The following CMIP variants were observed in gnomAD, a reference collection of about 807,000 sequenced individuals.
CMIP encodes c-Maf inducing protein, also known as C-Maf-inducing protein.
Under a neutral mutation model 97.3 loss-of-function variants are expected in CMIP, and 13 were observed. The ratio of observed to expected loss-of-function variants is 0.13; its 90% CI spans 0.09 to 0.21. The LOEUF (loss-of-function observed/expected upper bound fraction) is 0.21, where lower values mean the gene tolerates loss of function less well. CMIP is among the 10% of genes least tolerant of loss of function. The pLI, the probability that CMIP is intolerant of heterozygous loss-of-function variation, is 1.00. For missense variants in CMIP, 847 were observed against 1,024.9 expected (o/e 0.83, Z 2.37); for synonymous variants, 538 against 436.3 (o/e 1.23, Z -2.91).
At chr16:81,480,867 C>T (rs1452026615) in intron 1 of CMIP, among the ~76,000 whole-genome samples, 6 of 152,154 alleles carry the variant, frequency 3.9e-5, no homozygotes, top group Non-Finnish European at 8.8e-5. Context: ...CCTTGGCCCT[C>T]CTGGTGGGGA....
intron 1 of CMIP, among the ~76,000 whole-genome samples, chr16:81,513,498 T>C (rs907810516): frequency 6.6e-6 from 1 of 152,248 alleles, no homozygotes; most frequent in East Asian, 1.9e-4. Context: ...GAGGCCAGTT[T>C]GCAAATAGAG....
At chr16:81,667,994 C>G (rs1035070306) in intron 7 of CMIP, among the ~76,000 whole-genome samples, 1 of 151,956 alleles carries the variant, frequency 6.6e-6, no homozygotes, top group African/African-American at 2.4e-5. Flanking sequence ...CATGAAGAAG[C>G]CCCCAGCGGC....
chr16:81,453,680 G>A lies in CMIP; in HGVS notation c.300+8139G>A, dbSNP rs1014392319. 4.6e-5 allele frequency among the ~76,000 whole-genome samples: 7 copies of A among 152,336 alleles called. No homozygotes were observed. The highest frequency in any genetic ancestry group is 1.7e-4 in the African/African-American group (7 of 41,582). On this transcript the variant is annotated intron_variant, in intron 1 of 20. Transcript: ENST00000537098. The surrounding 1 kb of genome is among the most constrained non-coding windows in gnomAD (Gnocchi z 4.0). ...CCAGGCAGGCTAGCTGCCGTAACAC[G>A]CAGCCCTGGCATCTGGGTGGCTTCA... is the stretch of plus-strand genomic sequence containing the variant.
At chr16:81,653,617 C>G (rs925813326) in intron 4 of CMIP, among the ~76,000 whole-genome samples, 3 of 152,318 alleles carry the variant, frequency 2.0e-5, no homozygotes, top group African/African-American at 7.2e-5. Context: ...GAAGGGGTCC[C>G]TGCTCACCTG....
Position 81,557,605 on chromosome 16 carries a change from C to T in CMIP, c.301-49962C>T, listed in dbSNP as rs141214899. Among the ~76,000 whole-genome samples, 99 of 152,218 alleles carry T rather than the reference C, an allele frequency of 6.5e-4. 1 individual carries two copies. The highest frequency in any genetic ancestry group is 2.1e-3 in the African/African-American group (87 of 41,540). On this transcript the variant is annotated intron_variant, in intron 1 of 20. Coordinates refer to ENST00000537098, the MANE Select transcript of CMIP (RefSeq NM_198390.3). ...TAGGCAGCACAGTGAGACCTCGTTT[C>T]TACAGAAAAAATGTTTTTAATTAGC...
At chr16:81,606,663 G>A (rs1597139925) in intron 1 of CMIP, among the ~76,000 whole-genome samples, 1 of 152,094 alleles carries the variant, frequency 6.6e-6, no homozygotes, top group Non-Finnish European at 1.5e-5. Context: ...TGGGAACCAA[G>A]ACAGACCTAG....
intron 10 of CMIP, among the ~76,000 whole-genome samples, chr16:81,678,944 C>A (rs944463776): frequency 6.6e-6 from 1 of 152,186 alleles, no homozygotes; most frequent in Non-Finnish European, 1.5e-5. Context: ...TGCTTGAGTG[C>A]CTGGGCACAT....
chr16:81,454,519 G>T lies in CMIP; in HGVS notation c.300+8978G>T, dbSNP rs183326696. Among the ~76,000 whole-genome samples the T allele has an allele frequency of 1.8e-3, 267 of 152,372 alleles. 2 individuals carry two copies. Among genetic ancestry groups the T allele is most frequent in the African/African-American group, 6.0e-3 (248 of 41,590 alleles). ...ATTCCTTTGTGATTTTGTCAAAAAA[G>T]TTAAGGGAACCGATGTGGGAAATTG... On this transcript the variant is annotated intron_variant, in intron 1 of 20. Transcript: ENST00000537098.
At chr16:81,605,228 G>A (rs571738463) in intron 1 of CMIP, among the ~76,000 whole-genome samples, 7 of 152,352 alleles carry the variant, frequency 4.6e-5, no homozygotes, top group Non-Finnish European at 1.0e-4. Flanking sequence ...AGGCCCACGA[G>A]TGTGACTTTG....
intron 1 of CMIP, among the ~76,000 whole-genome samples, chr16:81,531,419 G>T (rs1489152661): frequency 6.6e-6 from 1 of 152,216 alleles, no homozygotes; most frequent in Non-Finnish European, 1.5e-5. Context: ...TTGCTGATAT[G>T]CAGGCCACCT....
In CMIP at chr16:81,626,786, A is replaced by AGTGT. The variant is rs749221024; in HGVS notation, c.477+5861_477+5862insTGTG. 6.8e-3 allele frequency among the ~76,000 whole-genome samples: 695 copies of AGTGT among 102,548 alleles called. 4 individuals are homozygous for AGTGT. Among genetic ancestry groups the AGTGT allele is most frequent in the Middle Eastern group, 0.014 (2 of 146 alleles). The allele number at this position is 102,548 out of a possible 152,430, so 67.3% of individuals were successfully genotyped here. A position where few individuals can be genotyped will look rare whatever the true frequency, so the allele number is the denominator to read the frequency against. ...GGTGTGTGGAGTGACAGAGAGAGAG[A>AGTGT]GAGTGTGTGTGTGTGTGTGTGTGTG... On this transcript the variant is annotated intron_variant, in intron 3 of 20. Coordinates refer to ENST00000537098, the MANE Select transcript of CMIP (RefSeq NM_198390.3).
chr16:81,568,477 C>G (rs954916542), intron 1 of CMIP, among the ~76,000 whole-genome samples: 1 of 152,190 alleles, frequency 6.6e-6, no homozygotes, highest in Non-Finnish European at 1.5e-5. Flanking sequence ...GCAAGGGCAC[C>G]GTGCCTCGGG....
chr16:81,592,272 C>T (rs2091477444), intron 1 of CMIP, among the ~76,000 whole-genome samples: 1 of 152,230 alleles, frequency 6.6e-6, no homozygotes, highest in Non-Finnish European at 1.5e-5. Context: ...ATCTCCTGGT[C>T]TGTGTCCTGT....
At chr16:81,672,121 C>A in intron 9 of CMIP, 51 bp downstream of exon 9, 2 of 1,120,684 alleles carry the variant, frequency 1.8e-6, no homozygotes, top group South Asian at 1.3e-5. Context: ...GGCAAACTGC[C>A]ACCCCCATCA....
At chr16:81,483,568 TTCCTC>T (rs1260160790) in intron 1 of CMIP, among the ~76,000 whole-genome samples, 2 of 131,484 alleles carry the variant, frequency 1.5e-5, no homozygotes, top group African/African-American at 2.9e-5. Context: ...CCGCAGCCTC[TTCCTC>T]TTCCTCTTCC....
At chr16:81,669,951 G>A (rs534657669) in intron 7 of CMIP, among the ~76,000 whole-genome samples, 191 bp from the exon 8 acceptor site, 116 of 152,304 alleles carry the variant, frequency 7.6e-4, no homozygotes, top group African/African-American at 2.7e-3. Flanking sequence ...GTGGAAGCGC[G>A]GGTGTCGCAG....
intron 1 of CMIP, among the ~76,000 whole-genome samples, chr16:81,486,747 C>T (rs1019333496): frequency 1.1e-4 from 16 of 152,356 alleles, no homozygotes; most frequent in African/African-American, 3.1e-4. Flanking sequence ...GCCTGGTGGC[C>T]GGCACTGTTG....
chr16:81,547,282 T>C (rs2090566091), intron 1 of CMIP, among the ~76,000 whole-genome samples: 1 of 152,204 alleles, frequency 6.6e-6, no homozygotes, highest in Non-Finnish European at 1.5e-5. Context: ...GTCATGTTTA[T>C]GTGGCCGAGG....
chr16:81,618,926 A>G (rs1243331125), intron 2 of CMIP: 1 of 152,150 alleles, frequency 6.6e-6, no homozygotes, highest in East Asian at 1.9e-4. Flanking sequence ...TGTCATCCTA[A>G]TGAATAGGAA....
Sources: allele counts gnomAD v4.1 joint callset (sites outside exome capture counted in the v4.1 genomes callset), GRCh38; gene constraint gnomAD v4.1.1; non-coding constraint Gnocchi (gnomAD v3.1); transcripts MANE v1.5; gene names NCBI Gene and HGNC (gene_info 2026-07-23, HGNC 2026-07-21).